Variants in KCNN2 observed in about 807,000 individuals in gnomAD.
KCNN2 encodes small conductance calcium-activated potassium channel protein 2.
In KCNN2, 24 loss-of-function variants were observed where a neutral mutation model predicts 55.5. That is an observed-to-expected ratio of 0.43 (90% CI 0.31 to 0.61). The LOEUF is 0.61. Among genes scored for constraint, KCNN2 ranks in the 20% least tolerant of loss-of-function variants. The pLI is 0.08. For synonymous variants in KCNN2, 431 were observed against 336.1 expected, an observed-to-expected ratio of 1.28 and a Z score of -3.09; for missense variants, 754 against 853.6, an observed-to-expected ratio of 0.88 and a Z score of 1.45.
intron 2 of KCNN2, among the ~76,000 whole-genome samples, chr5:114,350,949 CTA>C (rs1455769354): frequency 6.6e-6 from 1 of 151,750 alleles, no homozygotes; most frequent in Non-Finnish European, 1.5e-5. Context: ...ATTTGCATTT[CTA>C]TATGAATGTT....
At chr5:114,304,699 T>C (rs1756233426) in intron 2 of KCNN2, among the ~76,000 whole-genome samples, 1 of 152,244 alleles carries the variant, frequency 6.6e-6, no homozygotes, top group Non-Finnish European at 1.5e-5. Context: ...CTTGCCAGAA[T>C]GGCAGACAGC....
At chr5:114,279,767 C>CAT (rs1755582083) in intron 2 of KCNN2, among the ~76,000 whole-genome samples, 1 of 150,846 alleles carries the variant, frequency 6.6e-6, no homozygotes, top group South Asian at 2.1e-4. Context: ...CATATGTGTG[C>CAT]GTGTGTCTTT....
chr5:114,245,946 G>A (rs1754741488), intron 2 of KCNN2, among the ~76,000 whole-genome samples: 2 of 152,164 alleles, frequency 1.3e-5, no homozygotes, highest in African/African-American at 4.8e-5. Flanking sequence ...TCACACAGAA[G>A]GCCAGATATA....
chr5:114,159,317 A>C (rs991095375), intron 1 of KCNN2, among the ~76,000 whole-genome samples: 2 of 152,088 alleles, frequency 1.3e-5, no homozygotes, highest in African/African-American at 4.8e-5. Context: ...ATTGATTTTC[A>C]TATATTGAAC....
At chr5:114,254,987 T>A (rs1754953291) in intron 2 of KCNN2, among the ~76,000 whole-genome samples, 1 of 152,204 alleles carries the variant, frequency 6.6e-6, no homozygotes, top group Non-Finnish European at 1.5e-5. Context: ...CAGTAAGAAT[T>A]CATTGGCCTC....
chr5:114,209,302 C>G (rs1753832863), intron 1 of KCNN2, among the ~76,000 whole-genome samples: 1 of 151,960 alleles, frequency 6.6e-6, no homozygotes, highest in Non-Finnish European at 1.5e-5. Context: ...CTCATGTCTC[C>G]CTTACTAGTT....
intron 1 of KCNN2, among the ~76,000 whole-genome samples, chr5:114,090,325 A>G (rs1392090406): frequency 1.3e-5 from 2 of 152,164 alleles, no homozygotes; most frequent in Non-Finnish European, 2.9e-5. Flanking sequence ...TCAAGATAAC[A>G]TAGCAATGAG....
At chr5:114,082,593 C>A (rs1031897434) in intron 1 of KCNN2, among the ~76,000 whole-genome samples, 3 of 152,064 alleles carry the variant, frequency 2.0e-5, no homozygotes, top group Non-Finnish European at 4.4e-5. Flanking sequence ...TCTGGATATA[C>A]GTCCAAAAGA....
At chr5:114,071,687 G>A (rs977466642) in intron 1 of KCNN2, among the ~76,000 whole-genome samples, 2 of 152,126 alleles carry the variant, frequency 1.3e-5, no homozygotes, top group Non-Finnish European at 2.9e-5. Flanking sequence ...TACTGGATAT[G>A]GAAAGCTCTC....
intron 1 of KCNN2, among the ~76,000 whole-genome samples, chr5:114,127,900 G>A (rs1477713895): frequency 6.6e-6 from 1 of 152,128 alleles, no homozygotes; most frequent in Admixed American, 6.6e-5. Context: ...CTGAAACACA[G>A]CAAGAGTCAC....
At chr5:114,319,125 A>C (rs1756565186) in intron 2 of KCNN2, among the ~76,000 whole-genome samples, 1 of 152,166 alleles carries the variant, frequency 6.6e-6, no homozygotes, top group Non-Finnish European at 1.5e-5. Context: ...GATTACCAAG[A>C]ATAGGGGAGA....
At chr5:114,423,213 T>C (rs1759521521) in intron 3 of KCNN2, among the ~76,000 whole-genome samples, 1 of 152,196 alleles carries the variant, frequency 6.6e-6, no homozygotes, top group Non-Finnish European at 1.5e-5. Context: ...GAACCAGTGA[T>C]CAGAAAATAG....
intron 5 of KCNN2, among the ~76,000 whole-genome samples, chr5:114,480,784 G>A (rs114672549): frequency 0.012 from 1,842 of 152,242 alleles, 15 homozygotes; most frequent in Non-Finnish European, 0.019. Context: ...TCTCTCAATA[G>A]ATGCAGAAAA....
chr5:114,390,127 A>T (rs1022183396), intron 2 of KCNN2, among the ~76,000 whole-genome samples: 3 of 152,182 alleles, frequency 2.0e-5, no homozygotes, highest in African/African-American at 7.2e-5. Context: ...CATTTTAGCA[A>T]TGTAGCAATA....
At chr5:114,121,877 C>G (rs1214882208) in intron 1 of KCNN2, among the ~76,000 whole-genome samples, 1 of 152,194 alleles carries the variant, frequency 6.6e-6, no homozygotes, top group African/African-American at 2.4e-5. Context: ...GTGTTCAACA[C>G]TGAAAAAGAT....
chr5:114,291,285 C>A (rs1428037111), intron 2 of KCNN2, among the ~76,000 whole-genome samples: 1 of 151,870 alleles, frequency 6.6e-6, no homozygotes, highest in Non-Finnish European at 1.5e-5. Flanking sequence ...GTGTGCTGCA[C>A]CCATTAACTC....
chr5:114,356,399 G>T (rs1757294873), intron 2 of KCNN2, among the ~76,000 whole-genome samples: 1 of 152,088 alleles, frequency 6.6e-6, no homozygotes, highest in Admixed American at 6.6e-5. Flanking sequence ...GCTGCCAAAG[G>T]ATATTTGTTC....
chr5:114,377,190 G>T (rs922853402), intron 2 of KCNN2, among the ~76,000 whole-genome samples: 4 of 152,138 alleles, frequency 2.6e-5, no homozygotes, highest in Admixed American at 6.5e-5. Context: ...TCCACCACTG[G>T]CTGTGTGTAC....
chr5:114,212,537 T>C (rs1027255422), intron 1 of KCNN2, among the ~76,000 whole-genome samples: 4 of 152,034 alleles, frequency 2.6e-5, no homozygotes, highest in African/African-American at 9.7e-5. Context: ...TATATATCAA[T>C]AAAGCTGTTA....
Sources: allele counts gnomAD v4.1 joint callset (sites outside exome capture counted in the v4.1 genomes callset), GRCh38; gene constraint gnomAD v4.1.1; transcripts MANE v1.5; gene names NCBI Gene and HGNC (gene_info 2026-07-23, HGNC 2026-07-21).